PFKL: variants seen among roughly 807,000 people sequenced by gnomAD.
PFKL encodes the protein ATP-dependent 6-phosphofructokinase, liver type.
In PFKL, 74 loss-of-function variants were observed where a neutral mutation model predicts 92.1. That is an observed-to-expected ratio of 0.80 (90% confidence interval 0.67 to 0.97). The LOEUF (loss-of-function observed/expected upper bound fraction) is 0.97, where lower values mean the gene tolerates loss of function less well. PFKL is among the 50% of genes least tolerant of loss of function. The pLI is 0.00. For synonymous variants in PFKL, 494 were observed against 456.4 expected (o/e 1.08, Z -1.05); for missense variants, 1,028 against 1,116.6 (o/e 0.92, Z 1.13).
chr21:44,304,607 C>G (rs1053754293), intron 1 of PFKL, among the ~76,000 whole-genome samples: 2 of 126,398 alleles, frequency 1.6e-5, no homozygotes, highest in Non-Finnish European at 3.3e-5. Context: ...ACAGCACCAC[C>G]TTGGACGCCC....
At chr21:44,322,019 C>G in intron 13 of PFKL, 114 bp from the exon 14 acceptor site, 1 of 1,452,922 alleles carries the variant, frequency 6.9e-7, no homozygotes, top group Non-Finnish European at 9.3e-7. Flanking sequence ...GGGTACTCAG[C>G]TCTGCCTGCA....
chr21:44,302,012 G>A (rs1399085743), intron 1 of PFKL, among the ~76,000 whole-genome samples: 1 of 152,236 alleles, frequency 6.6e-6, no homozygotes, highest in Non-Finnish European at 1.5e-5. Context: ...TGCTGGTGGA[G>A]GATCTGGAGA....
At position 44,312,116 on chromosome 21, in the gene PFKL, CAT is replaced by C; in HGVS notation, c.250_251del (p.Ile84TrpfsTer60). ...SNIIQLGGTI[I>X]GSARCKAFTT... ...TCTCCTCTGTGCAGGGCGGCACTAT[CAT>C]TGGCAGCGCTCGCTGCAAGGCCTTT... On this transcript the variant is annotated frameshift_variant, in exon 4 of 22. Coordinates refer to ENST00000349048, the MANE Select transcript of PFKL (RefSeq NM_002626.6). LOFTEE classifies it high-confidence loss of function. 1 of 1,559,328 alleles carries C rather than the reference CAT, an allele frequency of 6.4e-7. No individual in the cohort carries two copies. The highest frequency in any genetic ancestry group is 1.2e-5 in the South Asian group (1 of 84,092).
chr21:44,305,781 C>T lies in PFKL; in HGVS notation c.86-900C>T, dbSNP rs145983002. ...AGCGTTTCCTGAGTGCCGCCTCCCC[C>T]GTTAATGTCCCTCTCCAGGAAACTG... On this transcript the variant is annotated intron_variant, in intron 1 of 21. Transcript: ENST00000349048. 194 of 1,366,022 alleles carry T rather than the reference C, an allele frequency of 1.4e-4. No homozygotes were observed. In the East Asian group the frequency reaches 5.4e-3, roughly 38 times the overall value. 84.6% of individuals were successfully genotyped at this position (1,366,022 alleles called of 1,614,324 possible).
At chr21:44,315,903 C>T (rs2047189920) in intron 7 of PFKL, 3 of 358,952 alleles carry the variant, frequency 8.4e-6, no homozygotes, top group Admixed American at 8.3e-5. Context: ...CCCTGTGCGT[C>T]TTCCCGCCTG....
chr21:44,303,729 T>G (rs892223125), intron 1 of PFKL, among the ~76,000 whole-genome samples: 21 of 152,166 alleles, frequency 1.4e-4, no homozygotes, highest in African/African-American at 3.9e-4. Flanking sequence ...CATTTCATGC[T>G]CACTGCTTTC....
intron 1 of PFKL, among the ~76,000 whole-genome samples, chr21:44,301,452 G>A (rs879661444): frequency 2.6e-5 from 4 of 152,236 alleles, no homozygotes; most frequent in Non-Finnish European, 5.9e-5. Flanking sequence ...TTGTCGAGAG[G>A]GGAGGGCGTT....
chr21:44,317,944 C>T (rs939269548), intron 9 of PFKL, among the ~76,000 whole-genome samples: 10 of 152,260 alleles, frequency 6.6e-5, no homozygotes, highest in Admixed American at 2.6e-4. Context: ...GGTCATGGGA[C>T]GGCCACGGCA....
intron 5 of PFKL, 49 bp downstream of exon 5, chr21:44,313,192 A>G: frequency 1.3e-6 from 2 of 1,591,156 alleles, no homozygotes; most frequent in African/African-American, 1.3e-5. Flanking sequence ...TCCTCCCCGC[A>G]CGGTGGTGAG....
intron 19 of PFKL, 75 bp from the exon 20 acceptor site, chr21:44,325,886 C>G: frequency 6.5e-6 from 7 of 1,074,680 alleles, no homozygotes; most frequent in East Asian, 5.0e-5. Context: ...CCGTGGGGAT[C>G]CTGTCTGCAC....
At position 44,300,137 on chromosome 21, in the gene PFKL, C is replaced by T. The variant is rs1288228083; in HGVS notation, c.32C>T (p.Ala11Val). ...GCGGTGGACCTGGAGAAGCTGCGGG[C>T]GTCGGGCGCGGGCAAGGCCATCGGC... Reference protein sequence around the residue: MAAVDLEKLRASGAGKAIGVL... With the variant: MAAVDLEKLRVSGAGKAIGVL... Residue 11 changes from alanine (A) to valine (V), a missense_variant, in exon 1 of 22, where the codon GCG becomes GTG. Transcript: ENST00000349048. 2 of 1,190,830 alleles carry T rather than the reference C, an allele frequency of 1.7e-6. No individual in the cohort carries two copies. Among genetic ancestry groups the T allele is most frequent in the Non-Finnish European group, 2.1e-6 (2 of 945,216 alleles). The allele number at this position is 1,190,830 out of a possible 1,614,324, so 73.8% of individuals were successfully genotyped here. A position where few individuals can be genotyped will look rare whatever the true frequency, so the allele number is the denominator to read the frequency against.
At position 44,312,121 on chromosome 21, in the gene PFKL, G is replaced by T; in HGVS notation, c.254G>T (p.Gly85Val). 6.4e-7 allele frequency: 1 copy of T among 1,562,712 alleles called. No individual in the cohort carries two copies. Among genetic ancestry groups the T allele is most frequent in the South Asian group, 1.2e-5 (1 of 84,672 alleles). Residue 85 changes from glycine to valine, a missense_variant, in exon 4 of 22, where the codon GGC becomes GTC. Physicochemically the swap from Gly to Val is moderately radical, Grantham distance 109 (BLOSUM62 -3). Transcript: ENST00000349048. ...TCTGTGCAGGGCGGCACTATCATTG[G>T]CAGCGCTCGCTGCAAGGCCTTTACC... ...NIIQLGGTII[G>V]SARCKAFTTR...
chr21:44,325,367 C>T lies in PFKL; in HGVS notation c.1989+103C>T. The T allele has an allele frequency of 2.7e-6, 2 of 749,632 alleles. 1 individual carries two copies. The highest frequency in any genetic ancestry group is 4.7e-6 in the Non-Finnish European group (2 of 424,286). The allele number at this position is 749,632 out of a possible 1,614,324, so 46.4% of individuals were successfully genotyped here. On this transcript the variant is annotated intron_variant, in intron 19 of 21. Coordinates refer to ENST00000349048, the MANE Select transcript of PFKL (RefSeq NM_002626.6). ...GCCCTCACGGGCACCCACGGGCACT[C>T]CCGGCAGGCCCTCGGGCACGTGTGC...
At chr21:44,325,912 C>A in intron 19 of PFKL, 49 bp from the exon 20 acceptor site, 1 of 1,470,658 alleles carries the variant, frequency 6.8e-7, no homozygotes, top group Non-Finnish European at 9.4e-7. Flanking sequence ...TTGGCCTTGG[C>A]CCAGGCAGCC....
chr21:44,316,010 T>G, intron 7 of PFKL: 7 of 540,392 alleles, frequency 1.3e-5, no homozygotes, highest in East Asian at 3.2e-5. Context: ...TTCCCAGGCT[T>G]TCGGGCAGAG....
intron 3 of PFKL, 66 bp from the exon 4 acceptor site, chr21:44,312,039 T>C (rs2146456010): frequency 7.8e-7 from 1 of 1,281,920 alleles, no homozygotes; most frequent in Non-Finnish European, 1.0e-6. Context: ...GGGGTCCCTC[T>C]GGTGATCCCC....
In PFKL at chr21:44,313,640, A is replaced by G; in HGVS notation, c.596A>G (p.His199Arg). The stretch of plus-strand genomic sequence containing the variant: ...ATCCTCCTGTTCCATCTCCACAGCC[A>G]CCAGAGGACCTTCGTGCTGGAAGTG... ...IDAITTTAQS[H>R]QRTFVLEVMG... Residue 199 changes from histidine (H) to arginine (R), a missense_variant and splice_region_variant, in exon 6 of 22, where the codon CAC (histidine) becomes CGC (arginine). Physicochemically the swap from His to Arg is conservative, Grantham distance 29 (BLOSUM62 0). Transcript: ENST00000349048. The G allele has an allele frequency of 6.2e-7, 1 of 1,611,932 alleles. No homozygotes were observed. The highest frequency in any genetic ancestry group is 8.5e-7 in the Non-Finnish European group (1 of 1,179,538).
At chr21:44,307,122 C>G (rs969467879) in intron 2 of PFKL, 1 of 200,904 alleles carries the variant, frequency 5.0e-6, no homozygotes, top group Non-Finnish European at 8.9e-6. Flanking sequence ...TGTCCCGCCC[C>G]GAGGCCTCTG....
intron 1 of PFKL, among the ~76,000 whole-genome samples, chr21:44,301,903 C>T (rs2040785113): frequency 6.6e-6 from 1 of 151,976 alleles, no homozygotes; most frequent in Admixed American, 6.5e-5. Flanking sequence ...ACAGACTAAA[C>T]AGAGAAGGGG....
Sources: allele counts gnomAD v4.1 joint callset (sites outside exome capture counted in the v4.1 genomes callset), GRCh38; gene constraint gnomAD v4.1.1; transcripts MANE v1.5; gene names NCBI Gene and HGNC (gene_info 2026-07-23, HGNC 2026-07-21).